PLEKHB1: variants seen among roughly 807,000 people sequenced by gnomAD.
The protein encoded by PLEKHB1 is pleckstrin homology domain containing B1.
Under a neutral mutation model 36.2 loss-of-function variants are expected in PLEKHB1, and 29 were observed. The ratio of observed to expected loss-of-function variants is 0.80; its 90% CI spans 0.60 to 1.09. PLEKHB1 has a LOEUF of 1.09. PLEKHB1 is among the 50% of genes least tolerant of loss of function. The pLI, the probability that PLEKHB1 is intolerant of heterozygous loss-of-function variation, is 0.00. For synonymous variants in PLEKHB1, 138 were observed against 140.0 expected (o/e 0.99, Z 0.10); for missense variants, 330 against 348.2 (o/e 0.95, Z 0.42).
chr11:73,647,588 C>T, intron 1 of PLEKHB1: 1 of 985,512 alleles, frequency 1.0e-6, no homozygotes. Context: ...GAGGGCGGGG[C>T]CCGGGGGCAG....
chr11:73,653,128 T>G, intron 5 of PLEKHB1, 114 bp downstream of exon 5: 2 of 1,100,070 alleles, frequency 1.8e-6, no homozygotes, highest in Non-Finnish European at 2.6e-6. Flanking sequence ...GTGGATAGGT[T>G]TCTGCAAACT....
chr11:73,658,802 A>G (rs1945046582), intron 6 of PLEKHB1, among the ~76,000 whole-genome samples: 2 of 152,144 alleles, frequency 1.3e-5, no homozygotes, highest in African/African-American at 4.8e-5. Flanking sequence ...TTTTTTGTAG[A>G]GACAGGTTCT....
At chr11:73,649,225 A>G in intron 2 of PLEKHB1, 138 bp downstream of exon 2, 1 of 1,124,984 alleles carries the variant, frequency 8.9e-7, no homozygotes. Context: ...CCTCTGCCTG[A>G]AGGTCCTTCC....
chr11:73,659,667 A>G (rs1337004348), intron 6 of PLEKHB1, among the ~76,000 whole-genome samples: 1 of 152,154 alleles, frequency 6.6e-6, no homozygotes, highest in Non-Finnish European at 1.5e-5. Context: ...TCCTGAGACC[A>G]GGAGAGCTTC....
intron 6 of PLEKHB1, 96 bp downstream of exon 6, chr11:73,656,003 C>A: frequency 2.0e-6 from 2 of 1,007,272 alleles, no homozygotes; most frequent in Non-Finnish European, 3.1e-6. Flanking sequence ...GACAAACATT[C>A]CATGGCTCCC....
At position 73,661,431 on chromosome 11, in the gene PLEKHB1, A is replaced by C. The variant is rs1165442809; in HGVS notation, c.596-35A>C. The C allele has an allele frequency of 6.2e-7, 1 of 1,611,990 alleles. No individual in the cohort carries two copies. The highest frequency in any genetic ancestry group is 1.1e-5 in the South Asian group (1 of 91,018). ...ACGAAGATCACTCTACTCCCTCCTA[A>C]GTCGCTGATCCTCATGGGCTGTCTC... On this transcript the variant is annotated intron_variant, in intron 7 of 7. Coordinates refer to ENST00000354190, the MANE Select transcript of PLEKHB1 (RefSeq NM_021200.3). This position sits in a 1 kb window ranked among gnomAD's most constrained non-coding sequence, Gnocchi z 4.6.
At chr11:73,651,739 A>G in intron 3 of PLEKHB1, 49 bp from the exon 4 acceptor site, 1 of 1,460,534 alleles carries the variant, frequency 6.8e-7, no homozygotes, top group South Asian at 1.2e-5. Flanking sequence ...TACTGGGGGG[A>G]CCTGGGGCTT....
At chr11:73,648,774 C>G (rs1341194677) in intron 1 of PLEKHB1, 6 of 1,273,286 alleles carry the variant, frequency 4.7e-6, no homozygotes, top group Non-Finnish European at 3.0e-6. Context: ...AGGCTGGAAT[C>G]CAGGCTCCTG....
In PLEKHB1 at chr11:73,661,040, G is replaced by T. The variant is rs1193598886; in HGVS notation, c.595+188G>T. The T allele has an allele frequency of 1.9e-5, 12 of 644,436 alleles. No individual in the cohort carries two copies. The South Asian group carries it at 2.2e-4, about 12-fold the overall frequency. 39.9% of individuals were successfully genotyped at this position (644,436 alleles called of 1,614,324 possible). ...GAGCTCTGGAACCAGCGTTCGTCTC[G>T]AGCTGACCTCACCCTTCTGGGATGG... is the stretch of plus-strand genomic sequence containing the variant. On this transcript the variant is annotated intron_variant, in intron 7 of 7. Coordinates refer to ENST00000354190, the MANE Select transcript of PLEKHB1 (RefSeq NM_021200.3). This position sits in a 1 kb window ranked among gnomAD's most constrained non-coding sequence, Gnocchi z 4.6.
intron 6 of PLEKHB1, among the ~76,000 whole-genome samples, chr11:73,657,624 A>C (rs1023201900): frequency 6.6e-6 from 1 of 152,156 alleles, no homozygotes; most frequent in Non-Finnish European, 1.5e-5. Context: ...GAGTAAAAAC[A>C]GGTGCCCTCG....
At position 73,660,785 on chromosome 11, in the gene PLEKHB1, C is replaced by T. The variant is rs1223863743; in HGVS notation, c.528C>T (p.Tyr176=). 5.0e-6 allele frequency: 8 copies of T among 1,601,316 alleles called. No individual in the cohort carries two copies. Among genetic ancestry groups the T allele is most frequent in the Non-Finnish European group, 6.8e-6 (8 of 1,175,114 alleles). ...VRVYSPYQDY[Y]EVVPPNAHEA... is the part of the protein sequence containing the mutation. ...TCTACAGCCCGTACCAAGACTACTA[C>T]GAGGTGGTGCCCCCCAATGCACACG... is the stretch of plus-strand genomic sequence containing the variant. Residue 176 remains tyrosine (Y), a synonymous_variant, in exon 7 of 8, where the codon TAC becomes TAT. Coordinates refer to ENST00000354190, the MANE Select transcript of PLEKHB1 (RefSeq NM_021200.3).
chr11:73,656,314 T>C (rs1176142456), intron 6 of PLEKHB1, among the ~76,000 whole-genome samples: 1 of 152,184 alleles, frequency 6.6e-6, no homozygotes, highest in Non-Finnish European at 1.5e-5. Flanking sequence ...TATTCCTGTC[T>C]GTGTAGTCTT....
intron 5 of PLEKHB1, among the ~76,000 whole-genome samples, chr11:73,654,112 C>T (rs640655): frequency 0.15 from 22,943 of 151,864 alleles, 3,225 homozygotes; most frequent in African/African-American, 0.37. Context: ...ACTTAGGAGG[C>T]TGGGACAGTG....
chr11:73,648,595 C>T, intron 1 of PLEKHB1: 1 of 989,062 alleles, frequency 1.0e-6, no homozygotes, highest in Non-Finnish European at 1.2e-6. Context: ...GTTTCTAATA[C>T]TTTAAGAGTC....
chr11:73,648,591 A>G, intron 1 of PLEKHB1: 1 of 984,836 alleles, frequency 1.0e-6, no homozygotes, highest in Non-Finnish European at 1.2e-6. Context: ...CAAGGTTTCT[A>G]ATACTTTAAG....
chr11:73,648,939 G>A (rs973042104), intron 1 of PLEKHB1, 73 bp from the exon 2 acceptor site: 11 of 1,532,066 alleles, frequency 7.2e-6, no homozygotes, highest in Non-Finnish European at 9.7e-6. Flanking sequence ...GGCTCCCCAG[G>A]GACGGCAGGG....
intron 6 of PLEKHB1, among the ~76,000 whole-genome samples, chr11:73,657,116 C>T (rs902003381): frequency 6.6e-6 from 1 of 152,072 alleles, no homozygotes; most frequent in African/African-American, 2.4e-5. Context: ...GCACTCCAGC[C>T]TGGGCAACAG....
intron 3 of PLEKHB1, chr11:73,651,425 G>T (rs1944890784): frequency 4.0e-6 from 2 of 495,490 alleles, no homozygotes; most frequent in Admixed American, 2.3e-5. Flanking sequence ...TCTCAGAGGT[G>T]AGCCAGGCAC....
chr11:73,659,945 T>A (rs72974828), intron 6 of PLEKHB1, among the ~76,000 whole-genome samples: 14 of 152,172 alleles, frequency 9.2e-5, no homozygotes, highest in African/African-American at 3.1e-4. Context: ...TTTGGGTCAA[T>A]GATGGACCAC....
Sources: allele counts gnomAD v4.1 joint callset (sites outside exome capture counted in the v4.1 genomes callset), GRCh38; gene constraint gnomAD v4.1.1; non-coding constraint Gnocchi (gnomAD v3.1); transcripts MANE v1.5; gene names NCBI Gene and HGNC (gene_info 2026-07-23, HGNC 2026-07-21).